The following UBL3 variants were observed in gnomAD, a reference collection of about 807,000 sequenced individuals.
UBL3 encodes the protein ubiquitin-like protein 3.
Under a neutral mutation model 18.4 loss-of-function variants are expected in UBL3, and 6 were observed. The ratio of observed to expected loss-of-function variants is 0.33; its 90% CI spans 0.18 to 0.64. UBL3 has a LOEUF of 0.64. Ranked by LOEUF, UBL3 falls within the 30% of genes least tolerant of loss-of-function variation. The pLI, the probability that UBL3 is intolerant of heterozygous loss-of-function variation, is 0.76. For synonymous variants in UBL3, 49 were observed against 46.6 expected, an observed-to-expected ratio of 1.05 and a Z score of -0.21; for missense variants, 109 against 142.9, an observed-to-expected ratio of 0.76 and a Z score of 1.21.
chr13:29,795,776 AAGAG>A (rs1000478825), intron 1 of UBL3, among the ~76,000 whole-genome samples: 1 of 150,020 alleles, frequency 6.7e-6, no homozygotes, highest in Non-Finnish European at 1.5e-5. Context: ...AAAAAAAAAA[AAGAG>A]AGAGAGCCAT....
At chr13:29,797,577 G>C (rs1448413708) in intron 1 of UBL3, among the ~76,000 whole-genome samples, 1 of 151,758 alleles carries the variant, frequency 6.6e-6, no homozygotes, top group Non-Finnish European at 1.5e-5. Flanking sequence ...TCTCTAATTT[G>C]ACATTACATA....
In UBL3 at chr13:29,829,629, G is replaced by A. The variant is rs558011542; in HGVS notation, c.27+19883C>T. ...AGGAAAGGGAATTCCTTGACCCCTT[G>A]CACTTCCCGGGTGAGGTGATGCCTC... On this transcript the variant is annotated intron_variant, in intron 1 of 4. Coordinates refer to ENST00000380680, the MANE Select transcript of UBL3 (RefSeq NM_007106.4). Among the ~76,000 whole-genome samples, 4 of 152,284 alleles carry A rather than the reference G, an allele frequency of 2.6e-5. No individual in the cohort carries two copies. The East Asian group carries it at 7.7e-4, about 29-fold the overall frequency.
intron 1 of UBL3, among the ~76,000 whole-genome samples, chr13:29,838,695 T>A (rs532118120): frequency 3.2e-4 from 49 of 152,264 alleles, no homozygotes; most frequent in African/African-American, 1.1e-3. Context: ...ACTGTTTGAT[T>A]AATCCAAAAG....
At chr13:29,828,011 A>G (rs1878669463) in intron 1 of UBL3, among the ~76,000 whole-genome samples, 1 of 151,942 alleles carries the variant, frequency 6.6e-6, no homozygotes, top group African/African-American at 2.4e-5. Context: ...ATTGGCCCCC[A>G]CTCTCTTCTG....
chr13:29,774,389 A>G (rs1459149092), intron 2 of UBL3, among the ~76,000 whole-genome samples: 3 of 152,118 alleles, frequency 2.0e-5, no homozygotes, highest in African/African-American at 7.2e-5. Context: ...GCTATTACTT[A>G]CTATGACCGC....
intron 1 of UBL3, 76 bp downstream of exon 1, chr13:29,849,436 C>T (rs1879312231): frequency 1.9e-6 from 3 of 1,604,418 alleles, no homozygotes; most frequent in African/African-American, 1.3e-5. Flanking sequence ...ATCTTCGCCC[C>T]ACGCCTGCCG....
At position 29,849,665 on chromosome 13, in the gene UBL3, A is replaced by C. The variant is rs1258070489; in HGVS notation, c.-127T>G. On this transcript the variant is annotated 5_prime_UTR_variant, in exon 1 of 5. Coordinates refer to ENST00000380680, the MANE Select transcript of UBL3 (RefSeq NM_007106.4). ...TCGTGATGTGCTTTCTCCCCCAAAA[A>C]TAAAGTTATTTTGGAGCCAAAGTGC... 6.3e-6 allele frequency: 8 copies of C among 1,270,338 alleles called. No homozygotes were observed. Among genetic ancestry groups the C allele is most frequent in the South Asian group, 1.3e-5 (1 of 79,944 alleles). 78.7% of individuals were successfully genotyped at this position (1,270,338 alleles called of 1,614,324 possible). A position where few individuals can be genotyped will look rare whatever the true frequency, so the allele number is the denominator to read the frequency against.
intron 2 of UBL3, among the ~76,000 whole-genome samples, chr13:29,774,623 C>T (rs922651844): frequency 1.3e-5 from 2 of 151,794 alleles, no homozygotes; most frequent in South Asian, 2.1e-4. Flanking sequence ...AGAAACTAGC[C>T]GCTTGGTTAC....
intron 1 of UBL3, among the ~76,000 whole-genome samples, chr13:29,836,122 T>G (rs967745150): frequency 6.6e-6 from 1 of 152,060 alleles, no homozygotes; most frequent in South Asian, 2.1e-4. Context: ...GGTAGCATGA[T>G]GAAGAGAAGT....
intron 1 of UBL3, among the ~76,000 whole-genome samples, chr13:29,848,452 C>T (rs1593681280): frequency 6.6e-6 from 1 of 151,092 alleles, no homozygotes; most frequent in East Asian, 1.9e-4. Context: ...AGCAAAACTC[C>T]GTCTCAAAAA....
intron 2 of UBL3, among the ~76,000 whole-genome samples, chr13:29,776,697 C>A (rs1012884346): frequency 6.6e-6 from 1 of 151,466 alleles, no homozygotes; most frequent in Admixed American, 6.6e-5. Context: ...ATGGTGAAAC[C>A]CTGTTTCTAC....
intron 1 of UBL3, among the ~76,000 whole-genome samples, chr13:29,809,518 T>C (rs1335282335): frequency 6.6e-6 from 1 of 152,022 alleles, no homozygotes; most frequent in Non-Finnish European, 1.5e-5. Context: ...TGTGAAACCA[T>C]TAAAAAGTTT....
In UBL3 at chr13:29,833,240, G is replaced by A. The variant is rs559711549; in HGVS notation, c.27+16272C>T. 7.2e-5 allele frequency among the ~76,000 whole-genome samples: 11 copies of A among 152,296 alleles called. No homozygotes were observed. The East Asian group carries it at 1.7e-3, about 24-fold the overall frequency. On this transcript the variant is annotated intron_variant, in intron 1 of 4. Transcript: ENST00000380680. ...CAAATCTGGGAAAACGGTGGAAGGCGGACCGCAGTGGATGACTAAAATAAA... is the reference window on the plus strand; with the variant it reads ...CAAATCTGGGAAAACGGTGGAAGGCAGACCGCAGTGGATGACTAAAATAAA...
intron 3 of UBL3, among the ~76,000 whole-genome samples, chr13:29,769,776 G>A (rs1214101576): frequency 6.6e-6 from 1 of 151,994 alleles, no homozygotes; most frequent in African/African-American, 2.4e-5. Flanking sequence ...TAAAAAGGGG[G>A]GATTCAGGGC....
chr13:29,801,851 G>A (rs1208272433), intron 1 of UBL3, among the ~76,000 whole-genome samples: 3 of 152,204 alleles, frequency 2.0e-5, no homozygotes, highest in Non-Finnish European at 4.4e-5. Flanking sequence ...GATTGATAGA[G>A]GGTCTGCATT....
At chr13:29,821,557 C>A (rs771686356) in intron 1 of UBL3, among the ~76,000 whole-genome samples, 3 of 152,184 alleles carry the variant, frequency 2.0e-5, no homozygotes, top group Non-Finnish European at 2.9e-5. Context: ...CTAAATGTCA[C>A]TGGAACATGA....
chr13:29,770,223 A>G (rs1351199107), intron 3 of UBL3, among the ~76,000 whole-genome samples: 1 of 152,078 alleles, frequency 6.6e-6, no homozygotes, highest in Non-Finnish European at 1.5e-5. Context: ...GGGAGGCTAA[A>G]AAGAAAAACT....
chr13:29,847,555 T>C (rs143434687), intron 1 of UBL3, among the ~76,000 whole-genome samples: 154 of 152,358 alleles, frequency 1.0e-3, no homozygotes, highest in African/African-American at 3.6e-3. Context: ...TCCCAAATCA[T>C]CTCAATCTGT....
chr13:29,826,807 C>G (rs962016006), intron 1 of UBL3, among the ~76,000 whole-genome samples: 12 of 152,236 alleles, frequency 7.9e-5, no homozygotes, highest in African/African-American at 2.9e-4. Context: ...TTCCTGCTTT[C>G]TCTTGTGGGC....
Sources: gnomAD v4.1 joint callset for allele counts (sites outside exome capture counted in the v4.1 genomes callset) on GRCh38, gnomAD v4.1.1 for gene constraint, MANE v1.5 for transcripts, NCBI Gene and HGNC (gene_info 2026-07-23, HGNC 2026-07-21) for gene names.